The following C8orf34 variants were observed in gnomAD, a reference collection of about 807,000 sequenced individuals.
C8orf34 encodes the protein chromosome 8 open reading frame 34.
Under a neutral mutation model 68.3 loss-of-function variants are expected in C8orf34, and 65 were observed. That is an observed-to-expected ratio of 0.95 (90% CI 0.78 to 1.17). The LOEUF (loss-of-function observed/expected upper bound fraction) is 1.17. Among genes scored for constraint, C8orf34 ranks in the 50% most tolerant of loss-of-function variants. The probability of loss-of-function intolerance (pLI) is 0.00; values close to 1 mark genes in which losing one functional copy is unlikely to be tolerated. For synonymous variants in C8orf34, 244 were observed against 241.2 expected, an observed-to-expected ratio of 1.01 and a Z score of -0.11; for missense variants, 664 against 655.4, an observed-to-expected ratio of 1.01 and a Z score of -0.14.
intron 7 of C8orf34, among the ~76,000 whole-genome samples, chr8:68,598,052 AG>A (rs1274404065): frequency 1.9e-4 from 29 of 152,124 alleles, no homozygotes; most frequent in Non-Finnish European, 7.4e-5. Flanking sequence ...AAAATTAAAA[AG>A]TAATGTTAAG....
chr8:68,559,835 G>A (rs1816367091), intron 7 of C8orf34, among the ~76,000 whole-genome samples: 1 of 152,118 alleles, frequency 6.6e-6, no homozygotes, highest in Admixed American at 6.5e-5. Flanking sequence ...GACTCCTAGG[G>A]ACATGTGGGT....
At chr8:68,709,131 TTAA>T (rs772305574) in intron 9 of C8orf34, 52 bp downstream of exon 9, 1 of 1,389,588 alleles carries the variant, frequency 7.2e-7, no homozygotes, top group South Asian at 1.2e-5. Flanking sequence ...CACTTAAAGA[TTAA>T]AGAAGTAAAG....
chr8:68,352,813 C>A (rs1585968454), intron 1 of C8orf34, among the ~76,000 whole-genome samples: 1 of 152,000 alleles, frequency 6.6e-6, no homozygotes, highest in East Asian at 1.9e-4. Context: ...ACATTAATTG[C>A]AAATTATACA....
At chr8:68,759,517 T>G (rs1157508267) in intron 10 of C8orf34, among the ~76,000 whole-genome samples, 1 of 152,232 alleles carries the variant, frequency 6.6e-6, no homozygotes, top group Admixed American at 6.5e-5. Context: ...GAGAGCTTTC[T>G]CAACAGTGAA....
intron 7 of C8orf34, among the ~76,000 whole-genome samples, chr8:68,605,924 C>T (rs1034417912): frequency 6.6e-6 from 1 of 152,076 alleles, no homozygotes; most frequent in South Asian, 2.1e-4. Context: ...ACAGATGAAC[C>T]CCTGGGGGAT....
intron 8 of C8orf34, among the ~76,000 whole-genome samples, chr8:68,703,105 T>G (rs571792976): frequency 6.6e-6 from 1 of 152,284 alleles, no homozygotes; most frequent in Admixed American, 6.5e-5. Flanking sequence ...AAGTCTATTT[T>G]GTAAGTGCCA....
At chr8:68,423,243 G>A (rs1810062212) in intron 1 of C8orf34, among the ~76,000 whole-genome samples, 1 of 152,022 alleles carries the variant, frequency 6.6e-6, no homozygotes, top group Non-Finnish European at 1.5e-5. Flanking sequence ...TTTATGTTCT[G>A]TTTCCTCTTG....
At chr8:68,562,875 T>G (rs1171382788) in intron 7 of C8orf34, among the ~76,000 whole-genome samples, 1 of 152,232 alleles carries the variant, frequency 6.6e-6, no homozygotes, top group Non-Finnish European at 1.5e-5. Context: ...CTAATGTCTA[T>G]CAAATGTTGA....
chr8:68,579,909 A>G (rs1817013365), intron 7 of C8orf34, among the ~76,000 whole-genome samples: 1 of 152,176 alleles, frequency 6.6e-6, no homozygotes, highest in Non-Finnish European at 1.5e-5. Context: ...TAGCACTCTG[A>G]GTAATCTCTA....
chr8:68,463,829 G>A (rs1475200553), intron 3 of C8orf34, among the ~76,000 whole-genome samples: 5 of 152,180 alleles, frequency 3.3e-5, no homozygotes, highest in East Asian at 1.9e-4. Context: ...ACCCACAGCT[G>A]ATATCATACT....
intron 8 of C8orf34, among the ~76,000 whole-genome samples, chr8:68,689,461 T>C (rs1327847150): frequency 6.6e-6 from 1 of 152,092 alleles, no homozygotes; most frequent in Non-Finnish European, 1.5e-5. Flanking sequence ...AGCCAGCATT[T>C]AACCCAGGTA....
At chr8:68,745,089 T>G (rs373297360) in intron 10 of C8orf34, among the ~76,000 whole-genome samples, 5 of 152,066 alleles carry the variant, frequency 3.3e-5, no homozygotes, top group Non-Finnish European at 5.9e-5. Flanking sequence ...TCAACATTCT[T>G]AAAGAAAAGA....
chr8:68,431,260 G>A (rs1441471675), intron 1 of C8orf34, among the ~76,000 whole-genome samples: 1 of 152,086 alleles, frequency 6.6e-6, no homozygotes, highest in Non-Finnish European at 1.5e-5. Context: ...CTGTCATTCT[G>A]AGCACCTCAT....
At chr8:68,403,786 A>T (rs933192022) in intron 1 of C8orf34, among the ~76,000 whole-genome samples, 1 of 152,262 alleles carries the variant, frequency 6.6e-6, no homozygotes, top group South Asian at 2.1e-4. Context: ...TCTATCATTA[A>T]TGGGCATTTG....
At chr8:68,549,716 T>C (rs1816001754) in intron 7 of C8orf34, among the ~76,000 whole-genome samples, 1 of 151,788 alleles carries the variant, frequency 6.6e-6, no homozygotes, top group Non-Finnish European at 1.5e-5. Flanking sequence ...CTAATTATAA[T>C]AGTAGATTTA....
intron 10 of C8orf34, among the ~76,000 whole-genome samples, chr8:68,764,118 A>C (rs1169892299): frequency 6.6e-6 from 1 of 152,200 alleles, no homozygotes; most frequent in Non-Finnish European, 1.5e-5. Context: ...TTGGACATAC[A>C]GGTACAGATA....
chr8:68,603,020 T>C (rs1469284718), intron 7 of C8orf34, among the ~76,000 whole-genome samples: 2 of 152,080 alleles, frequency 1.3e-5, no homozygotes, highest in Non-Finnish European at 2.9e-5. Context: ...TAGCAGGCAA[T>C]AAGAAAACCC....
At chr8:68,509,050 G>C (rs910974450) in intron 5 of C8orf34, among the ~76,000 whole-genome samples, 1 of 152,056 alleles carries the variant, frequency 6.6e-6, no homozygotes, top group Non-Finnish European at 1.5e-5. Context: ...GAGTTTTTCT[G>C]GGGACCCCTC....
intron 5 of C8orf34, among the ~76,000 whole-genome samples, chr8:68,500,906 A>C (rs1813741931): frequency 6.6e-6 from 1 of 152,206 alleles, no homozygotes; most frequent in East Asian, 1.9e-4. Flanking sequence ...CACTGCAGAC[A>C]GGGAGGCAGA....
Sources: allele counts gnomAD v4.1 joint callset (sites outside exome capture counted in the v4.1 genomes callset), GRCh38; gene constraint gnomAD v4.1.1; transcripts MANE v1.5; gene names NCBI Gene and HGNC (gene_info 2026-07-23, HGNC 2026-07-21).